Variants in TLCD4 observed in about 807,000 individuals in gnomAD.
TLCD4 encodes TLC domain containing 4.
TLCD4 carries 7 observed loss-of-function variants against 24.2 expected under a neutral mutation model. The observed-to-expected ratio is 0.29, with a 90% CI of 0.16 to 0.54. TLCD4 has a LOEUF of 0.54. Ranked by LOEUF, TLCD4 falls within the 20% of genes least tolerant of loss-of-function variation. TLCD4 has a pLI of 0.95. For missense variants in TLCD4, 259 were observed against 313.9 expected (o/e 0.82, Z 1.32); for synonymous variants, 103 against 106.4 (o/e 0.97, Z 0.20).
the TLCD4 span, among the ~76,000 whole-genome samples, chr1:95,106,878 G>C: frequency 1.3e-5 from 2 of 152,280 alleles, no homozygotes; most frequent in East Asian, 3.9e-4. Flanking sequence ...TTAAGTGGGA[G>C]ATCTGAATGC....
chr1:95,107,763 G>T, the TLCD4 span, among the ~76,000 whole-genome samples: 1 of 152,092 alleles, frequency 6.6e-6, no homozygotes, highest in African/African-American at 2.4e-5. Flanking sequence ...CAGTAAGCAG[G>T]AATTTTTATA....
At chr1:95,150,588 T>C (rs956527231) in intron 4 of TLCD4, among the ~76,000 whole-genome samples, 1 of 152,138 alleles carries the variant, frequency 6.6e-6, no homozygotes, top group African/African-American at 2.4e-5. Flanking sequence ...ATTTAACTTT[T>C]AGGGTCCCTC....
intron 1 of TLCD4, among the ~76,000 whole-genome samples, chr1:95,142,426 T>C (rs769672260): frequency 2.6e-5 from 4 of 151,210 alleles, no homozygotes; most frequent in Non-Finnish European, 5.9e-5. Context: ...CGGTGGAGGG[T>C]GTTCAGGTTC....
chr1:95,153,956 A>G (rs1451620767), intron 5 of TLCD4, among the ~76,000 whole-genome samples: 1 of 152,140 alleles, frequency 6.6e-6, no homozygotes, highest in Non-Finnish European at 1.5e-5. Flanking sequence ...CTTCTATTTT[A>G]TGGAAGAAAG....
chr1:95,119,460 A>C (rs1438974033), intron 1 of TLCD4, among the ~76,000 whole-genome samples: 1 of 152,304 alleles, frequency 6.6e-6, no homozygotes, highest in East Asian at 1.9e-4. Flanking sequence ...GGTGTTGGAG[A>C]GTCCTCCCTG....
intron 1 of TLCD4, among the ~76,000 whole-genome samples, chr1:95,122,037 G>A (rs1425807235): frequency 6.6e-6 from 1 of 152,120 alleles, no homozygotes; most frequent in Non-Finnish European, 1.5e-5. Context: ...TTACAACACC[G>A]AACACTCCTA....
the TLCD4 span, among the ~76,000 whole-genome samples, chr1:95,098,790 T>A: frequency 0.048 from 7,321 of 152,104 alleles, 185 homozygotes; most frequent in South Asian, 0.06. Flanking sequence ...ATAGGCTGGG[T>A]GCGGTGGCTC....
intron 2 of TLCD4, 52 bp from the exon 3 acceptor site, chr1:95,148,650 A>T (rs1677411373): frequency 6.2e-7 from 1 of 1,608,626 alleles, no homozygotes; most frequent in African/African-American, 1.3e-5. Flanking sequence ...GTCAGGATTA[A>T]ATTTTATTGC....
the TLCD4 span, among the ~76,000 whole-genome samples, chr1:95,098,755 A>G: frequency 6.6e-6 from 1 of 152,086 alleles, no homozygotes; most frequent in East Asian, 1.9e-4. Flanking sequence ...GGCTTCTGTA[A>G]GCCTCAGGGT....
chr1:95,122,363 A>AAAAC (rs1181665464), intron 1 of TLCD4, among the ~76,000 whole-genome samples: 1 of 152,194 alleles, frequency 6.6e-6, no homozygotes, highest in Non-Finnish European at 1.5e-5. Context: ...TGTCTAAAAC[A>AAAAC]AAACAAACAA....
In TLCD4 at chr1:95,193,581, CT is replaced by C. The variant is rs2101032495; in HGVS notation, c.*1717del. The C allele has an allele frequency of 6.6e-6, 1 of 152,054 alleles. No homozygotes were observed. The highest frequency in any genetic ancestry group is 2.1e-4 in the South Asian group (1 of 4,824). The allele number at this position is 152,054 out of a possible 1,614,324, so 9.4% of individuals were successfully genotyped here. Reference sequence around the variant, plus strand: ...TCATGCTAGCTGAATATAATCAAGACTTTTGATTTGATTTGCTTTTATTATT... The same window carrying C: ...TCATGCTAGCTGAATATAATCAAGACTTTGATTTGATTTGCTTTTATTATT... On this transcript the variant is annotated 3_prime_UTR_variant, in exon 7 of 7. Transcript: ENST00000370203.
chr1:95,128,442 A>G (rs1676801782), intron 1 of TLCD4, among the ~76,000 whole-genome samples: 1 of 152,236 alleles, frequency 6.6e-6, no homozygotes, highest in Non-Finnish European at 1.5e-5. Context: ...GAACATGTAA[A>G]TGTAAGCTAA....
chr1:95,185,227 A>C (rs904375882), intron 6 of TLCD4, among the ~76,000 whole-genome samples: 2 of 152,146 alleles, frequency 1.3e-5, no homozygotes, highest in Non-Finnish European at 2.9e-5. Flanking sequence ...TTGGATTAGC[A>C]GGAATTGAGC....
chr1:95,152,764 C>T (rs1677528132), intron 5 of TLCD4, among the ~76,000 whole-genome samples: 1 of 152,136 alleles, frequency 6.6e-6, no homozygotes, highest in Admixed American at 6.5e-5. Context: ...TGATACTCAT[C>T]TTTCACCCCT....
chr1:95,099,711 T>A, the TLCD4 span, among the ~76,000 whole-genome samples: 1 of 152,164 alleles, frequency 6.6e-6, no homozygotes, highest in Non-Finnish European at 1.5e-5. Flanking sequence ...AATGATGTAA[T>A]GTTTATTGAG....
At chr1:95,124,594 G>A (rs1349242565) in intron 1 of TLCD4, among the ~76,000 whole-genome samples, 2 of 152,156 alleles carry the variant, frequency 1.3e-5, no homozygotes, top group Non-Finnish European at 2.9e-5. Flanking sequence ...GTAGGGTGAG[G>A]TGTAGGTTCA....
intron 6 of TLCD4, among the ~76,000 whole-genome samples, chr1:95,180,952 C>T (rs1678615358): frequency 6.6e-6 from 1 of 152,022 alleles, no homozygotes; most frequent in Non-Finnish European, 1.5e-5. Context: ...CAAAAATTAG[C>T]TGGGCGTGGT....
At position 95,191,572 on chromosome 1, in the gene TLCD4, T is replaced by A. The variant is rs1310635693; in HGVS notation, c.496T>A (p.Tyr166Asn). The A allele has an allele frequency of 1.2e-6, 2 of 1,612,180 alleles. No individual in the cohort carries two copies. Among genetic ancestry groups the A allele is most frequent in the Non-Finnish European group, 1.7e-6 (2 of 1,179,138 alleles). Residue 166 changes from tyrosine (Y) to asparagine (N), a missense_variant, in exon 7 of 7, where the codon TAT becomes AAT. Tyr to Asn is a moderately radical substitution (Grantham distance 143). Coordinates refer to ENST00000370203, the MANE Select transcript of TLCD4 (RefSeq NM_152487.3). ...NQRWFFEALK[Y>N]PKFSKAIVIN... The stretch of plus-strand genomic sequence containing the variant: ...CAGGTGGTTCTTTGAAGCTCTGAAG[T>A]ATCCCAAGTTTTCTAAAGCTATCGT...
chr1:95,104,865 A>C, the TLCD4 span, among the ~76,000 whole-genome samples: 2 of 151,522 alleles, frequency 1.3e-5, no homozygotes, highest in African/African-American at 4.8e-5. Context: ...CCATCTCTAC[A>C]AAAAATTAGC....
Sources: allele counts gnomAD v4.1 joint callset (sites outside exome capture counted in the v4.1 genomes callset), GRCh38; gene constraint gnomAD v4.1.1; transcripts MANE v1.5; gene names NCBI Gene and HGNC (gene_info 2026-07-23, HGNC 2026-07-21).